QRFPR: variants seen among roughly 807,000 people sequenced by gnomAD.
QRFPR encodes the protein pyroglutamylated RF-amide peptide receptor.
A neutral mutation model predicts 31.3 loss-of-function variants in QRFPR; 37 were observed. That is an observed-to-expected ratio of 1.18 (90% CI 0.91 to 1.56). The LOEUF (loss-of-function observed/expected upper bound fraction) is 1.56, where lower values mean the gene tolerates loss of function less well. QRFPR is among the 40% of genes most tolerant of loss of function. The pLI is 0.00. For missense variants in QRFPR, 542 were observed against 532.5 expected (o/e 1.02, Z -0.18); for synonymous variants, 197 against 192.0 (o/e 1.03, Z -0.22).
Position 121,380,312 on chromosome 4 carries a change from C to G in QRFPR, c.336G>C (p.Leu112=). The change falls in exon 1 of 6, where the codon CTG becomes CTC. Residue 112 remains leucine (L), a synonymous_variant. Coordinates refer to ENST00000394427, the MANE Select transcript of QRFPR (RefSeq NM_198179.3). ...TMLQNISDNW[L]GGAFICKMVP... ...GGAGCGGGGCGCGACTCTTACCCCC[C>G]AGCCAGTTGTCGGAAATGTTCTGGA... is the stretch of plus-strand genomic sequence containing the variant. 1.9e-6 allele frequency: 3 copies of G among 1,611,384 alleles called. No homozygotes were observed. Among genetic ancestry groups the G allele is most frequent in the Non-Finnish European group, 2.5e-6 (3 of 1,178,472 alleles).
intron 3 of QRFPR, among the ~76,000 whole-genome samples, chr4:121,335,568 G>C (rs1183421456): frequency 3.7e-5 from 3 of 80,976 alleles, no homozygotes; most frequent in Admixed American, 1.4e-4. Context: ...GCAGCCAATT[G>C]TATGGGGGGT....
rs553899432 is a variant in QRFPR, at chr4:121,361,600, C to A, written c.340+18708G>T. ...CCACTTAGGGAATTTTGTTAAAATGCAGATTTTGATTCAGTAGGTATGTGA... is the reference window on the plus strand; with the variant it reads ...CCACTTAGGGAATTTTGTTAAAATGAAGATTTTGATTCAGTAGGTATGTGA... On this transcript the variant is annotated intron_variant, in intron 1 of 5. Transcript: ENST00000394427. Among the ~76,000 whole-genome samples the A allele has an allele frequency of 2.0e-5, 3 of 150,094 alleles. No homozygotes were observed. The South Asian group carries it at 6.3e-4, about 32-fold the overall frequency.
intron 1 of QRFPR, among the ~76,000 whole-genome samples, chr4:121,346,934 T>C (rs184671387): frequency 1.3e-3 from 200 of 152,320 alleles, no homozygotes; most frequent in African/African-American, 4.4e-3. Flanking sequence ...TGGTATTATA[T>C]TGATATTTTG....
chr4:121,343,514 A>G (rs1293325521), intron 1 of QRFPR, among the ~76,000 whole-genome samples: 1 of 152,206 alleles, frequency 6.6e-6, no homozygotes, highest in Non-Finnish European at 1.5e-5. Context: ...GTGGGAATTT[A>G]CTTTCAATGT....
chr4:121,355,377 C>G (rs1725847181), intron 1 of QRFPR, among the ~76,000 whole-genome samples: 1 of 152,072 alleles, frequency 6.6e-6, no homozygotes, highest in South Asian at 2.1e-4. Flanking sequence ...ATAACAGTCT[C>G]TAATGATCAT....
At chr4:121,342,773 A>G (rs574378107) in intron 1 of QRFPR, among the ~76,000 whole-genome samples, 1 of 152,282 alleles carries the variant, frequency 6.6e-6, no homozygotes, top group South Asian at 2.1e-4. Context: ...ATAAATATTC[A>G]TTGAATTGAA....
At position 121,380,947 on chromosome 4, in the gene QRFPR, G is replaced by T; in HGVS notation, c.-300C>A. ...CCCTTGCTCTTCCCTAAGGCGAGGC[G>T]CCGCCACGGTCTGGGGTGCTGGAGC... On this transcript the variant is annotated 5_prime_UTR_variant, in exon 1 of 6. Coordinates refer to ENST00000394427, the MANE Select transcript of QRFPR (RefSeq NM_198179.3). The T allele has an allele frequency of 5.8e-6, 2 of 344,320 alleles. No individual in the cohort carries two copies. The highest frequency in any genetic ancestry group is 4.6e-5 in the Admixed American group (1 of 21,858). 21.3% of individuals were successfully genotyped at this position (344,320 alleles called of 1,614,324 possible). A position where few individuals can be genotyped will look rare whatever the true frequency, so the allele number is the denominator to read the frequency against.
chr4:121,373,992 G>A (rs13139657), intron 1 of QRFPR, among the ~76,000 whole-genome samples: 24,461 of 152,052 alleles, frequency 0.16, 2,488 homozygotes, highest in Non-Finnish European at 0.24. Flanking sequence ...CTACCATTCT[G>A]TTACCCGCCC....
intron 1 of QRFPR, among the ~76,000 whole-genome samples, chr4:121,359,940 C>T (rs1043747886): frequency 6.6e-6 from 1 of 151,150 alleles, no homozygotes; most frequent in African/African-American, 2.4e-5. Context: ...GACCCTGCTC[C>T]TTTCCCACCT....
intron 1 of QRFPR, among the ~76,000 whole-genome samples, chr4:121,365,585 A>T (rs1202735381): frequency 4.0e-4 from 1 of 2,510 alleles, no homozygotes; most frequent in Non-Finnish European, 5.8e-4. Flanking sequence ...TATATATTAT[A>T]TATATTATAT....
Position 121,380,757 on chromosome 4 carries a change from T to A in QRFPR, c.-110A>T. ...CAGCCGGAGGCCGCCTCCCTTCCTCTACTCTGGAGTCAGCCGCGCGGGAGG... is the reference window on the plus strand; with the variant it reads ...CAGCCGGAGGCCGCCTCCCTTCCTCAACTCTGGAGTCAGCCGCGCGGGAGG... On this transcript the variant is annotated 5_prime_UTR_variant, in exon 1 of 6. Transcript: ENST00000394427. 2 of 1,043,208 alleles carry A rather than the reference T, an allele frequency of 1.9e-6. No individual in the cohort carries two copies. Among genetic ancestry groups the A allele is most frequent in the Non-Finnish European group, 2.7e-6 (2 of 735,162 alleles). The allele number at this position is 1,043,208 out of a possible 1,614,324, so 64.6% of individuals were successfully genotyped here. A position where few individuals can be genotyped will look rare whatever the true frequency, so the allele number is the denominator to read the frequency against.
intron 1 of QRFPR, among the ~76,000 whole-genome samples, chr4:121,340,896 C>A (rs999201113): frequency 2.0e-5 from 3 of 152,186 alleles, no homozygotes; most frequent in Non-Finnish European, 4.4e-5. Context: ...AGCAATATGA[C>A]TTTTGCTTGG....
chr4:121,336,704 T>C lies in QRFPR; in HGVS notation c.561+103A>G, dbSNP rs1231275408. On this transcript the variant is annotated intron_variant, in intron 3 of 5. Coordinates refer to ENST00000394427, the MANE Select transcript of QRFPR (RefSeq NM_198179.3). Reference sequence around the variant, plus strand: ...ACCTCCAGTGGAATAGCTGAGGTCATACAAATTTGCTGTATTGCTCCTGCA... The same window carrying C: ...ACCTCCAGTGGAATAGCTGAGGTCACACAAATTTGCTGTATTGCTCCTGCA... 6 of 892,088 alleles carry C rather than the reference T, an allele frequency of 6.7e-6. No individual in the cohort carries two copies. In the African/African-American group the frequency reaches 9.8e-5, roughly 15 times the overall value. 55.3% of individuals were successfully genotyped at this position (892,088 alleles called of 1,614,324 possible).
chr4:121,335,592 G>A (rs1725420425), intron 3 of QRFPR, among the ~76,000 whole-genome samples: 2 of 137,546 alleles, frequency 1.5e-5, no homozygotes. Flanking sequence ...GGGTGGGGCG[G>A]GGAGAGGAGT....
rs72917790 is a variant in QRFPR, at chr4:121,371,106, G to C, written c.340+9202C>G. ...ATGTTTGTTTTCACAGCATCTAACT[G>C]TTTCTCTATCCTTCTATTTCTCCCA... On this transcript the variant is annotated intron_variant, in intron 1 of 5. Coordinates refer to ENST00000394427, the MANE Select transcript of QRFPR (RefSeq NM_198179.3). Among the ~76,000 whole-genome samples the C allele has an allele frequency of 1.6e-3, 248 of 152,208 alleles. 1 individual carries two copies. Among genetic ancestry groups the C allele is most frequent in the Middle Eastern group, 6.8e-3 (2 of 294 alleles).
chr4:121,370,471 A>C (rs1726217593), intron 1 of QRFPR: 7 of 497,890 alleles, frequency 1.4e-5, no homozygotes, highest in Non-Finnish European at 2.6e-5. Flanking sequence ...AAATTAGCAA[A>C]ACTTCCCAGG....
chr4:121,352,625 A>G (rs1319736535), intron 1 of QRFPR, among the ~76,000 whole-genome samples: 1 of 152,072 alleles, frequency 6.6e-6, no homozygotes, highest in African/African-American at 2.4e-5. Flanking sequence ...TTTACCAGGT[A>G]CATGTGATGT....
chr4:121,341,672 G>T (rs1190890909), intron 1 of QRFPR, among the ~76,000 whole-genome samples: 5 of 152,144 alleles, frequency 3.3e-5, no homozygotes, highest in Admixed American at 6.5e-5. Flanking sequence ...CGTGTGTAAG[G>T]TATATAAGAA....
chr4:121,358,018 C>A (rs1039870187), intron 1 of QRFPR, among the ~76,000 whole-genome samples: 3 of 152,142 alleles, frequency 2.0e-5, no homozygotes, highest in African/African-American at 4.8e-5. Context: ...ACCTCCTCTT[C>A]CTAGAAGGAG....
Sources: allele counts gnomAD v4.1 joint callset (sites outside exome capture counted in the v4.1 genomes callset), GRCh38; gene constraint gnomAD v4.1.1; transcripts MANE v1.5; gene names NCBI Gene and HGNC (gene_info 2026-07-23, HGNC 2026-07-21).